UTS2B: variants seen among roughly 807,000 people sequenced by gnomAD.
UTS2B encodes the protein urotensin 2B, also known as urotensin-2B.
UTS2B carries 21 observed loss-of-function variants against 19.2 expected under a neutral mutation model. The observed-to-expected ratio is 1.09, with a 90% confidence interval of 0.78 to 1.58. The LOEUF is 1.58. Ranked by LOEUF, UTS2B falls within the 40% of genes most tolerant of loss-of-function variation. The pLI is 0.00. For synonymous variants in UTS2B, 57 were observed against 50.2 expected (o/e 1.14, Z -0.58); for missense variants, 138 against 130.3 (o/e 1.06, Z -0.29).
At chr3:191,339,025 G>T in the UTS2B span, among the ~76,000 whole-genome samples, 1 of 152,084 alleles carries the variant, frequency 6.6e-6, no homozygotes, top group Admixed American at 6.6e-5. Flanking sequence ...AGATAAAGGG[G>T]GGAAGGCTCT....
At chr3:191,298,079 T>C (rs940778294) in intron 4 of UTS2B, among the ~76,000 whole-genome samples, 4 of 152,244 alleles carry the variant, frequency 2.6e-5, no homozygotes, top group African/African-American at 9.6e-5. Flanking sequence ...TTTCTTATCA[T>C]CAACTGTTGC....
At chr3:191,283,444 T>C (rs1328608516) in intron 4 of UTS2B, among the ~76,000 whole-genome samples, 2 of 152,140 alleles carry the variant, frequency 1.3e-5, no homozygotes, top group Non-Finnish European at 2.9e-5. Context: ...CATAACCTTT[T>C]TTTTCTCCTT....
chr3:191,329,942 T>TG (rs34226642), intron 1 of UTS2B, among the ~76,000 whole-genome samples: 251 of 102,830 alleles, frequency 2.4e-3, no homozygotes, highest in Non-Finnish European at 3.8e-3. Context: ...AGGGGGTGGT[T>TG]GGGGGGGGGG....
chr3:191,316,160 T>C lies in UTS2B; in HGVS notation c.-306A>G, dbSNP rs1438305619. On this transcript the variant is annotated 5_prime_UTR_variant, in exon 3 of 9. Transcript: ENST00000340524. ...AGCTCCATTATGTTGGCTGGGGTGT[T>C]TGTTTTCTTCCACATAGCCTTTCCA... 3 of 152,204 alleles carry C rather than the reference T, an allele frequency of 2.0e-5. No individual in the cohort carries two copies. The highest frequency in any genetic ancestry group is 4.4e-5 in the Non-Finnish European group (3 of 68,048). The allele number at this position is 152,204 out of a possible 1,614,324, so 9.4% of individuals were successfully genotyped here. A position where few individuals can be genotyped will look rare whatever the true frequency, so the allele number is the denominator to read the frequency against.
the UTS2B span, among the ~76,000 whole-genome samples, chr3:191,339,034 C>G: frequency 6.6e-6 from 1 of 152,104 alleles, no homozygotes; most frequent in East Asian, 1.9e-4. Flanking sequence ...GGGGAAGGCT[C>G]TTACACAGTT....
At chr3:191,322,572 G>T (rs894884966) in intron 2 of UTS2B, among the ~76,000 whole-genome samples, 3 of 152,140 alleles carry the variant, frequency 2.0e-5, no homozygotes, top group African/African-American at 7.2e-5. Flanking sequence ...CATAAGAATA[G>T]ACAAATATTC....
chr3:191,314,070 A>T (rs376273142), intron 3 of UTS2B, among the ~76,000 whole-genome samples: 1 of 152,062 alleles, frequency 6.6e-6, no homozygotes, highest in Admixed American at 6.5e-5. Flanking sequence ...TCTGTAATGG[A>T]GTAGCTTTTA....
intron 8 of UTS2B, chr3:191,273,549 G>A (rs766671307): frequency 9.6e-5 from 44 of 456,608 alleles, no homozygotes; most frequent in Admixed American, 6.3e-4. Context: ...CTGTATCAAC[G>A]TTCTGGATGA....
chr3:191,341,459 C>T, the UTS2B span, among the ~76,000 whole-genome samples: 1 of 152,182 alleles, frequency 6.6e-6, no homozygotes, highest in East Asian at 1.9e-4. Flanking sequence ...CTGATCTGTA[C>T]TCAAGATACT....
At chr3:191,304,353 G>C (rs1434431564) in intron 4 of UTS2B, 139 bp downstream of exon 4, 1 of 152,164 alleles carries the variant, frequency 6.6e-6, no homozygotes, top group African/African-American at 2.4e-5. Context: ...GATCTTCACT[G>C]GGGCAACTCT....
intron 3 of UTS2B, among the ~76,000 whole-genome samples, chr3:191,310,863 G>T (rs1576931159): frequency 1.3e-5 from 2 of 152,132 alleles, no homozygotes; most frequent in Non-Finnish European, 2.9e-5. Flanking sequence ...TTAAATATTT[G>T]ACAAGGGGGT....
intron 2 of UTS2B, among the ~76,000 whole-genome samples, chr3:191,324,965 G>A (rs1485158152): frequency 5.9e-5 from 9 of 152,072 alleles, no homozygotes; most frequent in Non-Finnish European, 1.2e-4. Context: ...CATGAGAATC[G>A]CTTGAACCTG....
chr3:191,318,218 C>T (rs1300153825), intron 2 of UTS2B, among the ~76,000 whole-genome samples: 1 of 152,196 alleles, frequency 6.6e-6, no homozygotes, highest in African/African-American at 2.4e-5. Context: ...TAATCAATGT[C>T]TATATTTCCC....
chr3:191,339,535 T>A, the UTS2B span, among the ~76,000 whole-genome samples: 11 of 152,152 alleles, frequency 7.2e-5, no homozygotes, highest in African/African-American at 2.7e-4. Context: ...CCAAGCAAAC[T>A]GTAGGTTGTA....
chr3:191,292,963 A>G (rs1716758369), intron 4 of UTS2B, among the ~76,000 whole-genome samples: 1 of 152,148 alleles, frequency 6.6e-6, no homozygotes, highest in Non-Finnish European at 1.5e-5. Flanking sequence ...GGTATCGCAC[A>G]CTGCGCTCCA....
chr3:191,289,652 A>T (rs1438587116), intron 4 of UTS2B, among the ~76,000 whole-genome samples: 1 of 152,114 alleles, frequency 6.6e-6, no homozygotes, highest in African/African-American at 2.4e-5. Context: ...AGCTTGAAGG[A>T]TATTATGTTC....
At chr3:191,287,367 A>C (rs1716573210) in intron 4 of UTS2B, among the ~76,000 whole-genome samples, 1 of 152,132 alleles carries the variant, frequency 6.6e-6, no homozygotes, top group African/African-American at 2.4e-5. Context: ...AAATACTAAC[A>C]AACCAAGATC....
chr3:191,302,481 A>G (rs1717030498), intron 4 of UTS2B, among the ~76,000 whole-genome samples: 1 of 152,158 alleles, frequency 6.6e-6, no homozygotes, highest in African/African-American at 2.4e-5. Context: ...CTTTCACTTA[A>G]TTCTGTTGGC....
At chr3:191,277,153 T>C (rs1219996746) in intron 6 of UTS2B, among the ~76,000 whole-genome samples, 1 of 152,128 alleles carries the variant, frequency 6.6e-6, no homozygotes, top group African/African-American at 2.4e-5. Flanking sequence ...GTGGAAATTC[T>C]CATAAAACAA....
Sources: gnomAD v4.1 joint callset for allele counts (sites outside exome capture counted in the v4.1 genomes callset) on GRCh38, gnomAD v4.1.1 for gene constraint, MANE v1.5 for transcripts, NCBI Gene and HGNC (gene_info 2026-07-23, HGNC 2026-07-21) for gene names.